Variants in NEB observed in about 807,000 individuals in gnomAD.
The protein encoded by NEB is nebulin.
A neutral mutation model predicts 952.2 loss-of-function variants in NEB; 512 were observed. The observed-to-expected ratio is 0.54, with a 90% CI of 0.50 to 0.58. The LOEUF (loss-of-function observed/expected upper bound fraction) is 0.58. NEB is among the 20% of genes least tolerant of loss of function. The pLI is 0.00. For synonymous variants in NEB, 2,900 were observed against 3,149.8 expected (o/e 0.92, Z 2.66); for missense variants, 8,428 against 9,231.1 (o/e 0.91, Z 3.56).
In NEB at chr2:151,554,965, G is replaced by C; in HGVS notation, c.19394C>G (p.Ala6465Gly). The change falls in exon 125 of 182, where the codon GCA becomes GGA. Residue 6465 changes from alanine to glycine, a missense_variant. Transcript: ENST00000397345. ...AAGCTTGCCAACTCGGAGGCACCGT[G>C]CTGTGTTCGGATCATCGTCAACACT... is the stretch of plus-strand genomic sequence containing the variant. ...PRSVDDDPNT[A>G]RCLRVGKLNI... The C allele has an allele frequency of 6.2e-7, 1 of 1,613,774 alleles. No homozygotes were observed. The highest frequency in any genetic ancestry group is 8.5e-7 in the Non-Finnish European group (1 of 1,179,700).
chr2:151,702,859 C>T lies in NEB; in HGVS notation c.1152+4022G>A, dbSNP rs368804328. ...GTGCCTTTTAATTGGAGCATTAAGT[C>T]CATTTACATTTAAAGTTAATATTGT... is the stretch of plus-strand genomic sequence containing the variant. On this transcript the variant is annotated intron_variant, in intron 13 of 181. Coordinates refer to ENST00000397345, the MANE Select transcript of NEB (RefSeq NM_001164508.2). Among the ~76,000 whole-genome samples, 1,427 of 152,106 alleles carry T rather than the reference C, an allele frequency of 9.4e-3. 7 individuals carry two copies. Among genetic ancestry groups the T allele is most frequent in the Non-Finnish European group, 0.016 (1,112 of 68,012 alleles).
At chr2:151,527,379 G>A (rs746880032) in intron 147 of NEB, 102 bp downstream of exon 147, 43 of 987,186 alleles carry the variant, frequency 4.4e-5, no homozygotes, top group Non-Finnish European at 6.3e-5. Context: ...TCTCAAACGA[G>A]CAAGGGTTAA....
At chr2:151,624,195 G>A (rs2098474134) in intron 71 of NEB, among the ~76,000 whole-genome samples, 1 of 152,080 alleles carries the variant, frequency 6.6e-6, no homozygotes, top group Non-Finnish European at 1.5e-5. Flanking sequence ...GGGGATGAGT[G>A]CAATTTTGCT....
Position 151,560,632 on chromosome 2 carries a change from G to T in NEB, c.19274C>A (p.Ser6425Tyr). The change falls in exon 124 of 182, where the codon TCC (serine) becomes TAC (tyrosine). Residue 6425 changes from serine (S) to tyrosine (Y), a missense_variant. This residue lies in a region of NEB where 3,374 missense variants were observed against 3,651.5 expected (regional missense o/e 0.92). Coordinates refer to ENST00000397345, the MANE Select transcript of NEB (RefSeq NM_001164508.2). ...CTTCTGGTTCTTGGCGTGTGTCAGG[G>T]ACAAGGTGCTGGAAGGCAGGATGTA... is the stretch of plus-strand genomic sequence containing the variant. ...TSYILPSSTLSLTHAKNQKHL... is the reference protein window; with the variant it reads ...TSYILPSSTLYLTHAKNQKHL... The T allele has an allele frequency of 6.2e-7, 1 of 1,612,740 alleles. No individual in the cohort carries two copies. The highest frequency in any genetic ancestry group is 8.5e-7 in the Non-Finnish European group (1 of 1,179,446).
rs1295559526 is a variant in NEB at position 151,514,380 on chromosome 2, T to C, written c.23065A>G (p.Thr7689Ala). The C allele has an allele frequency of 1.2e-6, 2 of 1,613,774 alleles. No individual in the cohort carries two copies. The highest frequency in any genetic ancestry group is 1.7e-6 in the Non-Finnish European group (2 of 1,179,802). The change falls in exon 159 of 182, where the codon ACT becomes GCT. Residue 7689 changes from threonine to alanine, a missense_variant. Coordinates refer to ENST00000397345, the MANE Select transcript of NEB (RefSeq NM_001164508.2). ...ATGTCAGGTGTATCTTCCATTTCAG[T>C]GAGGCCCTTCCCACGGATGCTTTCC... The part of the protein sequence containing the change: ...LEESIRGKGL[T>A]EMEDTPDMLR...
intron 41 of NEB, 49 bp from the exon 42 acceptor site, chr2:151,665,588 G>T: frequency 7.0e-7 from 1 of 1,436,480 alleles, no homozygotes; most frequent in South Asian, 1.4e-5. Context: ...CAGGGCTTGT[G>T]TTTCTTTGGC....
rs1212093141 is a variant in NEB at position 151,658,066 on chromosome 2, C to T, written c.6100G>A (p.Glu2034Lys). The change falls in exon 48 of 182, where the codon GAG becomes AAG. Residue 2034 changes from glutamate to lysine, a missense_variant. This residue lies in a region of NEB where 2,851 missense variants were observed against 2,791.5 expected (regional missense o/e 1.02). Transcript: ENST00000397345. ...SDKLYKLSLE[E>K]SKKKGYDLRP... is the part of the protein sequence containing the mutation. ...AGATCATAGCCTTTCTTTTTAGACT[C>T]TTCCAAGGAAAGTTTGTAGAGTTTC... The T allele has an allele frequency of 3.1e-6, 5 of 1,606,756 alleles. No homozygotes were observed. Among genetic ancestry groups the T allele is most frequent in the African/African-American group, 1.3e-5 (1 of 74,874 alleles).
At chr2:151,583,900 T>A in intron 100 of NEB, 134 bp from the exon 101 acceptor site, 1 of 782,346 alleles carries the variant, frequency 1.3e-6, no homozygotes, top group Non-Finnish European at 1.9e-6. Flanking sequence ...TCATTACATA[T>A]TTCAGTTCAC....
intron 144 of NEB, 134 bp downstream of exon 144, chr2:151,531,658 G>T: frequency 1.4e-6 from 1 of 707,488 alleles, no homozygotes. Flanking sequence ...GTGCATAACA[G>T]GACATCTCGC....
Position 151,618,462 on chromosome 2 carries a change from T to G in NEB, c.10889A>C (p.Asp3630Ala). The G allele has an allele frequency of 6.2e-7, 1 of 1,613,752 alleles. No individual in the cohort carries two copies. The highest frequency in any genetic ancestry group is 1.3e-5 in the African/African-American group (1 of 75,034). ...GCCAATGCCTTTCATCCATTCAAGG[T>G]CTGACTTATACAAATTCTGCAGATC... ...DLQSDNLYKS[D>A]LEWMKGIGWV... is the part of the protein sequence containing the mutation. Residue 3630 changes from aspartate to alanine, a missense_variant, in exon 74 of 182, where the codon GAC becomes GCC. By Grantham distance (126) the Asp-to-Ala change is moderately radical (BLOSUM62 -2). Coordinates refer to ENST00000397345, the MANE Select transcript of NEB (RefSeq NM_001164508.2).
At position 151,698,347 on chromosome 2, in the gene NEB, A is replaced by G. The variant is rs2099612719; in HGVS notation, c.1153-699T>C. Among the ~76,000 whole-genome samples, 4 of 152,214 alleles carry G rather than the reference A, an allele frequency of 2.6e-5. No individual in the cohort carries two copies. The South Asian group carries it at 8.3e-4, about 32-fold the overall frequency. On this transcript the variant is annotated intron_variant, in intron 13 of 181. Coordinates refer to ENST00000397345, the MANE Select transcript of NEB (RefSeq NM_001164508.2). ...CTGTCACCACAATCAATTTTAAAAC[A>G]TTTCATCATCTCAAAAAAGCAAAAC...
intron 157 of NEB, among the ~76,000 whole-genome samples, chr2:151,515,863 AT>A (rs2077470785): frequency 6.6e-6 from 1 of 152,170 alleles, no homozygotes; most frequent in Non-Finnish European, 1.5e-5. Context: ...ATTTTTCTTT[AT>A]AGTTGGAGGA....
chr2:151,658,085 G>C lies in NEB; in HGVS notation c.6081C>G (p.Leu2027=), dbSNP rs2154154209. The part of the protein sequence containing the change: ...KANAINMSDK[L]YKLSLEESKK... ...TAGACTCTTCCAAGGAAAGTTTGTA[G>C]AGTTTCTGTAAAGAGAGGCAAAGGG... Residue 2027 remains leucine, a synonymous_variant, in exon 48 of 182, where the codon CTC becomes CTG. Coordinates refer to ENST00000397345, the MANE Select transcript of NEB (RefSeq NM_001164508.2). 1 of 1,590,176 alleles carries C rather than the reference G, an allele frequency of 6.3e-7. No homozygotes were observed. The highest frequency in any genetic ancestry group is 1.7e-4 in the Middle Eastern group (1 of 6,026).
At chr2:151,515,013 G>A in intron 157 of NEB, 85 bp from the exon 158 acceptor site, 2 of 829,812 alleles carry the variant, frequency 2.4e-6, no homozygotes, top group Non-Finnish European at 3.8e-6. Context: ...AAAAAAAACA[G>A]CATTTTCTAT....
intron 106 of NEB, among the ~76,000 whole-genome samples, 165 bp downstream of exon 106, chr2:151,575,986 G>C (rs1159130883): frequency 6.6e-6 from 1 of 151,892 alleles, no homozygotes; most frequent in African/African-American, 2.4e-5. Flanking sequence ...CCTTTTATTA[G>C]AGTTTTTGCT....
At chr2:151,550,774 G>A (rs571656835) in intron 129 of NEB, among the ~76,000 whole-genome samples, 2 of 152,062 alleles carry the variant, frequency 1.3e-5, no homozygotes, top group East Asian at 1.9e-4. Context: ...AAGTAGCTGG[G>A]ACCACAGGTG....
At chr2:151,695,275 T>C (rs2099587784) in intron 18 of NEB, among the ~76,000 whole-genome samples, 1 of 152,164 alleles carries the variant, frequency 6.6e-6, no homozygotes, top group South Asian at 2.1e-4. Flanking sequence ...TAAATGAATA[T>C]ATGGCTAAAA....
chr2:151,634,599 G>A (rs1236779483), intron 64 of NEB, among the ~76,000 whole-genome samples: 3 of 151,912 alleles, frequency 2.0e-5, no homozygotes, highest in Admixed American at 6.6e-5. Flanking sequence ...CCAAAATTAC[G>A]CCACTGCACT....
chr2:151,485,986 T>G (rs970272286), intron 181 of NEB, 53 bp from the exon 182 acceptor site: 14 of 1,548,384 alleles, frequency 9.0e-6, no homozygotes, highest in Non-Finnish European at 1.2e-5. Flanking sequence ...TTGCAACAGT[T>G]AACACACATC....
Sources: allele counts gnomAD v4.1 joint callset (sites outside exome capture counted in the v4.1 genomes callset), GRCh38; gene constraint gnomAD v4.1.1; regional missense constraint gnomAD v4.1.1; transcripts MANE v1.5; gene names NCBI Gene and HGNC (gene_info 2026-07-23, HGNC 2026-07-21).